The following ZNF41 variants were observed in gnomAD, a reference collection of about 807,000 sequenced individuals.
ZNF41 encodes zinc finger protein 41.
ZNF41 carries 6 observed loss-of-function variants against 9.3 expected under a neutral mutation model. The ratio of observed to expected loss-of-function variants is 0.65; its 90% confidence interval spans 0.35 to 1.28. ZNF41 has a LOEUF of 1.28. ZNF41 is among the 50% of genes most tolerant of loss of function. The pLI, the probability that ZNF41 is intolerant of heterozygous loss-of-function variation, is 0.03. For missense variants in ZNF41, 523 were observed against 585.8 expected, an observed-to-expected ratio of 0.89 and a Z score of 1.11; for synonymous variants, 192 against 207.1, an observed-to-expected ratio of 0.93 and a Z score of 0.63.
intron 2 of ZNF41, among the ~76,000 whole-genome samples, chrX:47,458,654 T>C (rs191797499): frequency 8.9e-6 from 1 of 111,801 alleles, no homozygotes; most frequent in African/African-American, 3.2e-5. Flanking sequence ...AATTATTTTG[T>C]ATCTTGTTTT....
At chrX:47,461,349 C>T (rs1490447561) in intron 2 of ZNF41, among the ~76,000 whole-genome samples, 22 of 109,551 alleles carry the variant, frequency 2.0e-4, no homozygotes, top group South Asian at 4.0e-4. Context: ...CCACCCGGCT[C>T]GGCCTCCCAA....
At chrX:47,479,529 C>T (rs1052733409) in intron 1 of ZNF41, among the ~76,000 whole-genome samples, 4 of 110,767 alleles carry the variant, frequency 3.6e-5, no homozygotes, top group Non-Finnish European at 5.7e-5. Context: ...GGATGGAATA[C>T]GATAGCTAGG....
At chrX:47,471,998 A>C (rs965638925) in intron 1 of ZNF41, among the ~76,000 whole-genome samples, 3 of 111,954 alleles carry the variant, frequency 2.7e-5, no homozygotes, top group African/African-American at 9.7e-5. Flanking sequence ...GAAATAAACA[A>C]GAGTGGGCAA....
At chrX:47,472,942 C>G (rs1173208133) in intron 1 of ZNF41, among the ~76,000 whole-genome samples, 1 of 109,917 alleles carries the variant, frequency 9.1e-6, no homozygotes, top group Admixed American at 9.8e-5. Context: ...AGGCTGGTCT[C>G]GAACTCCTGA....
chrX:47,482,833 C>T (rs1355840556), intron 1 of ZNF41: 4 of 113,270 alleles, frequency 3.5e-5, no homozygotes, highest in Non-Finnish European at 3.8e-5. Context: ...CTTCTCCCCT[C>T]CGCCGCAGCC....
At chrX:47,472,587 C>T (rs1436797494) in intron 1 of ZNF41, among the ~76,000 whole-genome samples, 1 of 107,838 alleles carries the variant, frequency 9.3e-6, no homozygotes, top group Admixed American at 9.9e-5. Context: ...TACAGGCGTG[C>T]GCCACCATGC....
Position 47,448,976 on chromosome X carries a change from T to C in ZNF41, c.794A>G (p.His265Arg). Reference sequence around the variant, plus strand: ...ACACACATAAAGCTTCTCCTCAGGATGAATTTTCTGATGGTGGGTGGGAGC... The same window carrying C: ...ACACACATAAAGCTTCTCCTCAGGACGAATTTTCTGATGGTGGGTGGGAGC... ...KQAPTHHQKI[H>R]PEEKLYVCTE... Residue 265 changes from histidine to arginine, a missense_variant, in exon 5 of 5, where the codon CAT becomes CGT. Coordinates refer to ENST00000684689, the MANE Select transcript of ZNF41 (RefSeq NM_001324144.2). 1 of 1,209,727 alleles carries C rather than the reference T, an allele frequency of 8.3e-7. No individual in the cohort carries two copies. Among genetic ancestry groups the C allele is most frequent in the East Asian group, 3.0e-5 (1 of 33,752 alleles).
chrX:47,457,410 TAA>T (rs763721884), intron 2 of ZNF41, among the ~76,000 whole-genome samples: 5 of 96,451 alleles, frequency 5.2e-5, no homozygotes, highest in Non-Finnish European at 6.3e-5. Flanking sequence ...AGACTCCGTC[TAA>T]AAAAAAAAAA....
chrX:47,461,097 TTC>T (rs1248235478), intron 2 of ZNF41, among the ~76,000 whole-genome samples: 4 of 109,133 alleles, frequency 3.7e-5, no homozygotes, highest in African/African-American at 1.3e-4. Context: ...TTCTTTTCTT[TTC>T]TTTTTTTTTT....
At chrX:47,473,339 C>A (rs2057247526) in intron 1 of ZNF41, among the ~76,000 whole-genome samples, 1 of 111,550 alleles carries the variant, frequency 9.0e-6, no homozygotes, top group Admixed American at 9.6e-5. Flanking sequence ...TAAAACTATA[C>A]AATTTACTAG....
chrX:47,459,227 G>A (rs963448164), intron 2 of ZNF41, among the ~76,000 whole-genome samples: 1 of 108,751 alleles, frequency 9.2e-6, no homozygotes, highest in Non-Finnish European at 1.9e-5. Flanking sequence ...GCACGTGACT[G>A]TAGTCTCAGT....
At chrX:47,452,028 T>C (rs1024609963) in intron 4 of ZNF41, among the ~76,000 whole-genome samples, 12 of 111,859 alleles carry the variant, frequency 1.1e-4, no homozygotes, top group African/African-American at 3.9e-4. Flanking sequence ...ACTTTGTCAG[T>C]GTAAGATGCT....
At chrX:47,454,471 G>A (rs1188278140) in intron 4 of ZNF41, among the ~76,000 whole-genome samples, 1 of 111,972 alleles carries the variant, frequency 8.9e-6, no homozygotes, top group Non-Finnish European at 1.9e-5. Context: ...CAGCTAATCT[G>A]AGAATAATAT....
Position 47,455,906 on chromosome X carries a change from G to C in ZNF41, c.295+15C>G. The stretch of plus-strand genomic sequence containing the variant: ...GACTTCCATGTCCCCATCTGTCTGG[G>C]TCATGCTCACTCACCTGAACAGCTC... On this transcript the variant is annotated intron_variant, in intron 4 of 4. Transcript: ENST00000684689. 2 of 1,201,376 alleles carry C rather than the reference G, an allele frequency of 1.7e-6. No individual in the cohort carries two copies. The highest frequency in any genetic ancestry group is 2.3e-6 in the Non-Finnish European group (2 of 886,118).
intron 1 of ZNF41, among the ~76,000 whole-genome samples, chrX:47,469,310 C>CAAAAAAAAAAAA (rs749426044): frequency 1.1e-4 from 4 of 35,934 alleles, no homozygotes; most frequent in African/African-American, 2.0e-4. Flanking sequence ...GACTCCGTCT[C>CAAAAAAAAAAAA]AAAAAAAAAA....
intron 4 of ZNF41, among the ~76,000 whole-genome samples, chrX:47,449,897 T>C (rs1004390732): frequency 2.7e-5 from 3 of 111,468 alleles, no homozygotes; most frequent in African/African-American, 9.8e-5. Context: ...GGATTGTGAG[T>C]AGAGTAACCA....
intron 1 of ZNF41, among the ~76,000 whole-genome samples, chrX:47,470,411 C>CA (rs58574926): frequency 0.013 from 498 of 37,579 alleles, 4 homozygotes; most frequent in African/African-American, 0.035. Flanking sequence ...GACTCCGTCT[C>CA]AAAAAAAAAA....
chrX:47,454,966 C>T (rs769741019), intron 4 of ZNF41, among the ~76,000 whole-genome samples: 2 of 111,435 alleles, frequency 1.8e-5, no homozygotes, highest in Admixed American at 1.9e-4. Context: ...AAAGACCTGG[C>T]CAGGCGCGGT....
At position 47,467,466 on chromosome X, in the gene ZNF41, C is replaced by G. The variant is rs778624217; in HGVS notation, c.16G>C (p.Asp6His). The change falls in exon 2 of 5, where the codon GAC becomes CAC. Residue 6 changes from aspartate (D) to histidine (H), a missense_variant. Transcript: ENST00000684689. The part of the protein sequence containing the change: MAANG[D>H]SPPWSPALAA... ...AGGGCCGGGGACCATGGGGGAGAGT[C>G]CCCATTAGCTGCCATGTTCACGCTG... The G allele has an allele frequency of 8.4e-7, 1 of 1,185,900 alleles. No individual in the cohort carries two copies. The highest frequency in any genetic ancestry group is 1.1e-6 in the Non-Finnish European group (1 of 881,932).
Sources: allele counts gnomAD v4.1 joint callset (sites outside exome capture counted in the v4.1 genomes callset), GRCh38; gene constraint gnomAD v4.1.1; transcripts MANE v1.5; gene names NCBI Gene and HGNC (gene_info 2026-07-23, HGNC 2026-07-21).